The following INPP5J variants were observed in gnomAD, a reference collection of about 807,000 sequenced individuals.
INPP5J encodes phosphatidylinositol 4,5-bisphosphate 5-phosphatase A.
Under a neutral mutation model 86.6 loss-of-function variants are expected in INPP5J, and 75 were observed. The observed-to-expected ratio is 0.87, with a 90% confidence interval of 0.72 to 1.05. The LOEUF is 1.05. Ranked by LOEUF, INPP5J falls within the 50% of genes least tolerant of loss-of-function variation. The pLI, the probability that INPP5J is intolerant of heterozygous loss-of-function variation, is 0.00. For synonymous variants in INPP5J, 540 were observed against 550.0 expected, an observed-to-expected ratio of 0.98 and a Z score of 0.25; for missense variants, 1,229 against 1,341.2, an observed-to-expected ratio of 0.92 and a Z score of 1.31.
chr22:31,129,540 C>A (rs1180568589), intron 9 of INPP5J, among the ~76,000 whole-genome samples: 2 of 134,514 alleles, frequency 1.5e-5, no homozygotes, highest in South Asian at 2.7e-4. Context: ...GTGCCCGGCG[C>A]CCTTTTTTTT....
Position 31,128,329 on chromosome 22 carries a change from C to A in INPP5J, c.2009+6C>A. The A allele has an allele frequency of 6.3e-7, 1 of 1,585,534 alleles. No individual in the cohort carries two copies. The highest frequency in any genetic ancestry group is 8.6e-7 in the Non-Finnish European group (1 of 1,164,672). On this transcript the variant is annotated splice_donor_region_variant and intron_variant, in intron 8 of 12. Transcript: ENST00000331075. ...ACCAACAAATACGATACCAGGTGAGCTCAGTCCGAGGAGGGACTGAGGGGA... is the reference window on the plus strand; with the variant it reads ...ACCAACAAATACGATACCAGGTGAGATCAGTCCGAGGAGGGACTGAGGGGA...
chr22:31,134,197 C>T lies in INPP5J; in HGVS notation c.2799C>T (p.Ser933=). ...CTGACAGGAGCAGTAATGGCAGCAG[C>T]CGGGGCAGTAGTGAAGAGGGGCCCT... The part of the protein sequence containing the change: ...VAPDRSSNGS[S]RGSSEEGPSG... Residue 933 remains serine (S), a synonymous_variant, in exon 13 of 13, where the codon AGC becomes AGT. Transcript: ENST00000331075. 6.5e-7 allele frequency: 1 copy of T among 1,550,076 alleles called. No homozygotes were observed. Among genetic ancestry groups the T allele is most frequent in the Non-Finnish European group, 8.7e-7 (1 of 1,146,648 alleles).
chr22:31,124,144 A>T, intron 1 of INPP5J: 1 of 417,814 alleles, frequency 2.4e-6, no homozygotes, highest in South Asian at 9.9e-5. Flanking sequence ...TTTTACAGAC[A>T]GAGAAACTGA....
rs1269439788 is a variant in INPP5J, at chr22:31,128,278, C to T, written c.1964C>T (p.Ala655Val). 2 of 1,600,440 alleles carry T rather than the reference C, an allele frequency of 1.2e-6. No individual in the cohort carries two copies. The highest frequency in any genetic ancestry group is 1.3e-5 in the African/African-American group (1 of 74,770). The change falls in exon 8 of 13, where the codon GCT becomes GTT. Residue 655 changes from alanine to valine, a missense_variant. Transcript: ENST00000331075. ...TTTCAGGAGGGGCCCCTCAACTTCG[C>T]TCCCACCTTCAAGTTTGATGTGGGT... is the stretch of plus-strand genomic sequence containing the variant. ...KGFQEGPLNF[A>V]PTFKFDVGTN...
chr22:31,122,808 C>A, upstream of INPP5J: 1 of 469,652 alleles, frequency 2.1e-6, no homozygotes, highest in Non-Finnish European at 3.7e-6. Context: ...CTCCCCTCCC[C>A]ACTCCATGGC....
rs775900326 is a variant in INPP5J at position 31,124,894 on chromosome 22, C to T, written c.155C>T (p.Pro52Leu). 1.9e-5 allele frequency: 31 copies of T among 1,613,800 alleles called. No homozygotes were observed. The highest frequency in any genetic ancestry group is 1.6e-4 in the Middle Eastern group (1 of 6,084). Residue 52 changes from proline to leucine, a missense_variant, in exon 2 of 13, where the codon CCC (proline) becomes CTC (leucine). By Grantham distance (98) the Pro-to-Leu change is moderately conservative. Coordinates refer to ENST00000331075, the MANE Select transcript of INPP5J (RefSeq NM_001284285.2). ...GCAAAGAAGAACGCAGCCCTAGGAC[C>T]CTCGGAACCAAGGTTGGCTCTGGCA... ...LPAKKNAALG[P>L]SEPRLALAPV...
At chr22:31,122,837 C>T (rs1341881387), upstream of INPP5J, 43 of 495,290 alleles carry the variant, frequency 8.7e-5, no homozygotes, top group Admixed American at 1.8e-3. Flanking sequence ...CCTCAGCAGC[C>T]AGTTTGAAGG....
intron 7 of INPP5J, 22 bp downstream of exon 7, chr22:31,128,084 G>A (rs566478588): frequency 9.6e-6 from 15 of 1,555,048 alleles, no homozygotes; most frequent in Middle Eastern, 1.7e-4. Context: ...GTCCCCAGAA[G>A]CACACAGAGC....
Position 31,128,005 on chromosome 22 carries a change from C to T in INPP5J, c.1842C>T (p.His614=). The change falls in exon 7 of 13, where the codon CAC becomes CAT. Residue 614 remains histidine (H), a synonymous_variant. Transcript: ENST00000331075. Reference sequence around the variant, plus strand: ...TCCGCATTGAGAGCTATGACCTGCACTTTGTCAAGTTTGCCATCGACAGTG... The same window carrying T: ...TCCGCATTGAGAGCTATGACCTGCATTTTGTCAAGTTTGCCATCGACAGTG... The part of the protein sequence containing the change: ...LNFRIESYDL[H]FVKFAIDSDQ... 1.2e-6 allele frequency: 2 copies of T among 1,613,486 alleles called. No individual in the cohort carries two copies. Among genetic ancestry groups the T allele is most frequent in the Non-Finnish European group, 8.5e-7 (1 of 1,179,764 alleles).
At chr22:31,128,380 G>C in intron 8 of INPP5J, 57 bp downstream of exon 8, 1 of 1,567,260 alleles carries the variant, frequency 6.4e-7, no homozygotes, top group Non-Finnish European at 8.7e-7. Context: ...TCTCGAACAG[G>C]GAGACTTTGG....
chr22:31,132,300 T>C (rs923132675), intron 9 of INPP5J, among the ~76,000 whole-genome samples: 1 of 152,194 alleles, frequency 6.6e-6, no homozygotes, highest in South Asian at 2.1e-4. Flanking sequence ...AAATACCCAG[T>C]GCATCATAGG....
At chr22:31,123,877 T>A (rs1921101194) in intron 1 of INPP5J, 1 of 152,202 alleles carries the variant, frequency 6.6e-6, no homozygotes, top group South Asian at 2.1e-4. Flanking sequence ...ATGGGATACC[T>A]GCTTGCCTGT....
chr22:31,127,280 C>T, intron 5 of INPP5J, 77 bp from the exon 6 acceptor site: 1 of 1,379,342 alleles, frequency 7.2e-7, no homozygotes, highest in South Asian at 1.4e-5. Context: ...CCCACATCTC[C>T]TCTCTAACCC....
In INPP5J at chr22:31,125,188, C is replaced by CT. The variant is rs1921256267; in HGVS notation, c.450dup (p.Pro151SerfsTer42). On this transcript the variant is annotated frameshift_variant, in exon 2 of 13. Transcript: ENST00000331075. LOFTEE classifies it high-confidence loss of function. ...ATGCCTGCCTCAGCAGGGCCAAGAT[C>CT]TCCCCCAGTCACCCTGGGGCCCAAT... 1.3e-6 allele frequency: 2 copies of CT among 1,550,368 alleles called. No homozygotes were observed. The highest frequency in any genetic ancestry group is 1.7e-6 in the Non-Finnish European group (2 of 1,146,972).
At chr22:31,131,394 C>A (rs1308816457) in intron 9 of INPP5J, among the ~76,000 whole-genome samples, 1 of 152,092 alleles carries the variant, frequency 6.6e-6, no homozygotes, top group Non-Finnish European at 1.5e-5. Context: ...GAAACCCTCT[C>A]TCTACTAAAA....
chr22:31,124,697 A>T (rs1348516734), intron 1 of INPP5J, 148 bp from the exon 2 acceptor site: 3 of 700,890 alleles, frequency 4.3e-6, no homozygotes, highest in Non-Finnish European at 7.1e-6. Context: ...GACCTGCAGC[A>T]GAATAGATTG....
At chr22:31,132,032 G>T (rs1922106116) in intron 9 of INPP5J, among the ~76,000 whole-genome samples, 1 of 152,234 alleles carries the variant, frequency 6.6e-6, no homozygotes, top group African/African-American at 2.4e-5. Flanking sequence ...ACCCATTCAG[G>T]TGGCGCCCCT....
chr22:31,124,728 C>G (rs1392806010), intron 1 of INPP5J, 117 bp from the exon 2 acceptor site: 1 of 885,652 alleles, frequency 1.1e-6, no homozygotes, highest in Non-Finnish European at 1.7e-6. Context: ...GTAGGAAGAA[C>G]TTCCTTGGAA....
chr22:31,126,031 G>C, intron 2 of INPP5J, 21 bp downstream of exon 2: 2 of 1,538,960 alleles, frequency 1.3e-6, no homozygotes, highest in Non-Finnish European at 1.7e-6. Context: ...CCTCTCCCAA[G>C]AAAGGTGGCT....
Sources: allele counts gnomAD v4.1 joint callset (sites outside exome capture counted in the v4.1 genomes callset), GRCh38; gene constraint gnomAD v4.1.1; transcripts MANE v1.5; gene names NCBI Gene and HGNC (gene_info 2026-07-23, HGNC 2026-07-21).